Variants in PCDHGA4 observed in about 807,000 individuals in gnomAD.
PCDHGA4 encodes protocadherin gamma-A4.
A neutral mutation model predicts 54.6 loss-of-function variants in PCDHGA4; 38 were observed. That is an observed-to-expected ratio of 0.70 (90% CI 0.54 to 0.91). The LOEUF is 0.91. Among genes scored for constraint, PCDHGA4 ranks in the 40% least tolerant of loss-of-function variants. The probability of loss-of-function intolerance (pLI) is 0.00; values close to 1 mark genes in which losing one functional copy is unlikely to be tolerated. For missense variants in PCDHGA4, 1,298 were observed against 1,220.9 expected (o/e 1.06, Z -0.94); for synonymous variants, 511 against 512.9 (o/e 1.00, Z 0.05).
At chr5:141,385,880 A>G (rs192436155) in intron 1 of PCDHGA4, 3 of 153,092 alleles carry the variant, frequency 2.0e-5, no homozygotes, top group Admixed American at 1.9e-4. Context: ...ATTTATGCCT[A>G]AAGAATGAAA....
intron 1 of PCDHGA4, chr5:141,390,525 G>C: frequency 1.8e-6 from 1 of 552,024 alleles, no homozygotes; most frequent in Non-Finnish European, 3.2e-6. Context: ...CAATGAGGGT[G>C]TGGTTTTAAC....
chr5:141,408,676 G>A (rs1315766272), intron 1 of PCDHGA4: 2 of 1,613,652 alleles, frequency 1.2e-6, no homozygotes, highest in Non-Finnish European at 1.7e-6. Flanking sequence ...ACCCTGCCAC[G>A]GATCCTGATA....
At chr5:141,392,873 G>C (rs1280602911) in intron 1 of PCDHGA4, 1 of 1,613,382 alleles carries the variant, frequency 6.2e-7, no homozygotes, top group Admixed American at 1.7e-5. Flanking sequence ...GCGCGCTGCT[G>C]GGAACGCTGT....
intron 1 of PCDHGA4, chr5:141,427,739 C>G: frequency 2.4e-6 from 3 of 1,232,634 alleles, no homozygotes; most frequent in Non-Finnish European, 3.5e-6. Context: ...ATGGCCAAGT[C>G]TCCTACTCCA....
intron 1 of PCDHGA4, chr5:141,421,909 C>T: frequency 1.9e-6 from 3 of 1,613,710 alleles, no homozygotes; most frequent in Non-Finnish European, 2.5e-6. Context: ...GGGCGCAGTT[C>T]CCATTCGTGT....
At chr5:141,427,198 T>G (rs1345851173) in intron 1 of PCDHGA4, 1 of 456,584 alleles carries the variant, frequency 2.2e-6, no homozygotes, top group African/African-American at 2.0e-5. Flanking sequence ...AAAGACTTAA[T>G]AGACTTCGAA....
chr5:141,440,878 C>A (rs1359689557), intron 1 of PCDHGA4: 1 of 152,146 alleles, frequency 6.6e-6, no homozygotes, highest in Non-Finnish European at 1.5e-5. Context: ...TGTACAGCGT[C>A]GGCCTTCAGG....
At position 141,432,180 on chromosome 5, in the gene PCDHGA4, T is replaced by G. The variant is rs943491593; in HGVS notation, c.2515-62627T>G. 2 of 1,614,044 alleles carry G rather than the reference T, an allele frequency of 1.2e-6. No homozygotes were observed. The highest frequency in any genetic ancestry group is 1.7e-6 in the Non-Finnish European group (2 of 1,180,036). ...CCCAGAGGAGTTTCCCTCGTCTCTG[T>G]GACCGCCCACGACCCCGACTGTGAA... On this transcript the variant is annotated intron_variant, in intron 1 of 3. Coordinates refer to ENST00000571252, the MANE Select transcript of PCDHGA4 (RefSeq NM_018917.4). This position sits in a 1 kb window ranked among gnomAD's most constrained non-coding sequence, Gnocchi z 6.0.
At position 141,457,041 on chromosome 5, in the gene PCDHGA4, A is replaced by T. The variant is rs151212070; in HGVS notation, c.2515-37766A>T. On this transcript the variant is annotated intron_variant, in intron 1 of 3. Transcript: ENST00000571252. ...AAGTCCTAGTAGACTCAGTGATAGT[A>T]AAACTTTCATGCTTCCTTTTTGCCA... 2.3e-4 allele frequency among the ~76,000 whole-genome samples: 35 copies of T among 152,360 alleles called. No individual in the cohort carries two copies. In the East Asian group the frequency reaches 6.4e-3, roughly 28 times the overall value.
chr5:141,472,324 G>A (rs1027842697), intron 1 of PCDHGA4, among the ~76,000 whole-genome samples: 2 of 150,650 alleles, frequency 1.3e-5, no homozygotes, highest in African/African-American at 2.4e-5. Flanking sequence ...GGCAGATCAC[G>A]AGGTTGGGAG....
At chr5:141,426,539 T>C in intron 1 of PCDHGA4, 2 of 347,388 alleles carry the variant, frequency 5.8e-6, no homozygotes, top group South Asian at 4.4e-5. Flanking sequence ...GGGAACATAC[T>C]TGTGAGTGAC....
chr5:141,368,121 T>C (rs1431804065), intron 1 of PCDHGA4, among the ~76,000 whole-genome samples: 2 of 152,228 alleles, frequency 1.3e-5, no homozygotes, highest in Non-Finnish European at 2.9e-5. Flanking sequence ...TATTAAAATA[T>C]TCTTAATCCT....
At chr5:141,370,782 C>G in intron 1 of PCDHGA4, 1 of 1,613,988 alleles carries the variant, frequency 6.2e-7, no homozygotes, top group Non-Finnish European at 8.5e-7. Context: ...TAACGACAAC[C>G]CACCGACCTT....
intron 1 of PCDHGA4, among the ~76,000 whole-genome samples, chr5:141,434,451 A>C (rs145324240): frequency 6.6e-6 from 1 of 152,210 alleles, no homozygotes; most frequent in Non-Finnish European, 1.5e-5. Context: ...GCTGGAAGGT[A>C]GTGGGTTTAC....
chr5:141,478,199 C>G, intron 1 of PCDHGA4: 1 of 1,614,056 alleles, frequency 6.2e-7, no homozygotes, highest in Non-Finnish European at 8.5e-7. Flanking sequence ...CTTTTATCTA[C>G]TTCTTTCTCT....
intron 1 of PCDHGA4, chr5:141,372,718 C>G: frequency 6.2e-7 from 1 of 1,613,818 alleles, no homozygotes; most frequent in East Asian, 2.2e-5. Flanking sequence ...GCTGAAAATG[C>G]TGCACCACAA....
intron 1 of PCDHGA4, chr5:141,430,922 G>A: frequency 1.2e-6 from 2 of 1,607,168 alleles, no homozygotes; most frequent in South Asian, 2.2e-5. Context: ...CCTGGGGCTG[G>A]AGCCCCGGGA....
chr5:141,393,465 G>T, intron 1 of PCDHGA4: 1 of 1,614,048 alleles, frequency 6.2e-7, no homozygotes, highest in Non-Finnish European at 8.5e-7. Context: ...CTCGGATGGC[G>T]GCAAGCCGCC....
Position 141,432,602 on chromosome 5 carries a change from G to A in PCDHGA4, c.2515-62205G>A. The A allele has an allele frequency of 6.2e-7, 1 of 1,613,966 alleles. No homozygotes were observed. Among genetic ancestry groups the A allele is most frequent in the Non-Finnish European group, 8.5e-7 (1 of 1,179,972 alleles). On this transcript the variant is annotated intron_variant, in intron 1 of 3. Transcript: ENST00000571252. This position sits in a 1 kb window ranked among gnomAD's most constrained non-coding sequence, Gnocchi z 6.0. ...CCGTCTGCTCAAGGCCAGCGAGCCG[G>A]GACTCTTCTCGGTGGGTCTGCACAC...
Sources: gnomAD v4.1 joint callset for allele counts (sites outside exome capture counted in the v4.1 genomes callset) on GRCh38, gnomAD v4.1.1 for gene constraint, Gnocchi (gnomAD v3.1) non-coding constraint, MANE v1.5 for transcripts, NCBI Gene and HGNC (gene_info 2026-07-23, HGNC 2026-07-21) for gene names.